MAP3K13: variants seen among roughly 807,000 people sequenced by gnomAD.
MAP3K13 encodes mitogen-activated protein kinase kinase kinase 13.
Under a neutral mutation model 104.0 loss-of-function variants are expected in MAP3K13, and 52 were observed. That is an observed-to-expected ratio of 0.50 (90% CI 0.40 to 0.63). The LOEUF is 0.63. Ranked by LOEUF, MAP3K13 falls within the 20% of genes least tolerant of loss-of-function variation. The pLI, the probability that MAP3K13 is intolerant of heterozygous loss-of-function variation, is 0.00. For synonymous variants in MAP3K13, 394 were observed against 442.2 expected (o/e 0.89, Z 1.37); for missense variants, 914 against 1,218.5 (o/e 0.75, Z 3.72).
chr3:185,434,965 T>C (rs1275367744), intron 2 of MAP3K13, among the ~76,000 whole-genome samples: 1 of 151,992 alleles, frequency 6.6e-6, no homozygotes, highest in East Asian at 1.9e-4. Flanking sequence ...AAAATGACAC[T>C]GAGGTTTTTT....
At chr3:185,337,362 A>T (rs997339916) in intron 2 of MAP3K13, among the ~76,000 whole-genome samples, 1 of 152,248 alleles carries the variant, frequency 6.6e-6, no homozygotes, top group African/African-American at 2.4e-5. Flanking sequence ...ACACTCACAG[A>T]ACACCTGGAA....
At chr3:185,349,251 G>A (rs1345912927) in intron 2 of MAP3K13, among the ~76,000 whole-genome samples, 2 of 152,008 alleles carry the variant, frequency 1.3e-5, no homozygotes. Flanking sequence ...TAATACCCAG[G>A]AGATGGTTTT....
chr3:185,310,881 T>C (rs1294032615), intron 2 of MAP3K13, among the ~76,000 whole-genome samples: 1 of 152,232 alleles, frequency 6.6e-6, no homozygotes, highest in Non-Finnish European at 1.5e-5. Flanking sequence ...CCTTAGTGCT[T>C]CTCTGTTCTT....
chr3:185,417,778 G>A, intron 1 of MAP3K13: 2 of 1,612,136 alleles, frequency 1.2e-6, no homozygotes, highest in Non-Finnish European at 1.7e-6. Flanking sequence ...CCGGCGCATG[G>A]TCTTTGCATA....
At chr3:185,402,709 T>C (rs1331143705) in intron 1 of MAP3K13, among the ~76,000 whole-genome samples, 6 of 152,184 alleles carry the variant, frequency 3.9e-5, no homozygotes, top group South Asian at 2.1e-4. Context: ...TTTGGCTTCA[T>C]TGGACTCTGA....
intron 7 of MAP3K13, 192 bp downstream of exon 7, chr3:185,451,587 A>C: frequency 2.2e-6 from 1 of 444,986 alleles, no homozygotes; most frequent in East Asian, 3.7e-5. Context: ...ATTATTATTA[A>C]CTCATTTGAA....
At chr3:185,452,231 T>C (rs1315364115) in intron 7 of MAP3K13, among the ~76,000 whole-genome samples, 1 of 152,114 alleles carries the variant, frequency 6.6e-6, no homozygotes, top group African/African-American at 2.4e-5. Context: ...TTATTTTTAT[T>C]TTTATTTTTT....
chr3:185,312,134 C>T (rs535857035), intron 2 of MAP3K13, among the ~76,000 whole-genome samples: 1 of 152,340 alleles, frequency 6.6e-6, no homozygotes, highest in African/African-American at 2.4e-5. Flanking sequence ...TGAAGAGGAA[C>T]TCCTTCCTCT....
At chr3:185,389,972 G>A (rs1385725320) in intron 1 of MAP3K13, among the ~76,000 whole-genome samples, 2 of 152,110 alleles carry the variant, frequency 1.3e-5, no homozygotes, top group Non-Finnish European at 2.9e-5. Context: ...CTTAATAGAT[G>A]ATAACTGGAT....
rs147720270 is a variant in MAP3K13, at chr3:185,308,357, A to G, written c.-86+22714A>G. Among the ~76,000 whole-genome samples the G allele has an allele frequency of 5.9e-5, 9 of 152,166 alleles. No individual in the cohort carries two copies. In the East Asian group the frequency reaches 1.7e-3, roughly 29 times the overall value. On this transcript the variant is annotated intron_variant, in intron 2 of 14. Transcript: ENST00000424227. ...TTTCTGGTGTTCCTACAAGCTGCCTAGGTCTCTTTTGTTCTCAGCAGTTCC... is the reference window on the plus strand; with the variant it reads ...TTTCTGGTGTTCCTACAAGCTGCCTGGGTCTCTTTTGTTCTCAGCAGTTCC...
rs1020853910 is a variant in MAP3K13 at position 185,337,074 on chromosome 3, T to A, written c.-86+51431T>A. 7.9e-5 allele frequency among the ~76,000 whole-genome samples: 12 copies of A among 151,940 alleles called. No homozygotes were observed. In the South Asian group the frequency reaches 1.2e-3, roughly 16 times the overall value. On this transcript the variant is annotated intron_variant, in intron 2 of 14. Transcript: ENST00000424227. ...AAGACTAAATCTTTTTTAAAAAAAA[T>A]TTTAAATAAAAATAGAGATGAGTTC...
At chr3:185,442,094 T>C (rs1047080916) in intron 3 of MAP3K13, among the ~76,000 whole-genome samples, 12 of 149,976 alleles carry the variant, frequency 8.0e-5, no homozygotes, top group Non-Finnish European at 1.8e-4. Flanking sequence ...TAATCCCAGC[T>C]ATTTGGGATG....
intron 1 of MAP3K13, among the ~76,000 whole-genome samples, chr3:185,428,079 CAA>C (rs112837150): frequency 2.0e-4 from 19 of 96,946 alleles, no homozygotes; most frequent in Admixed American, 3.2e-4. Flanking sequence ...AACTCCGTCT[CAA>C]AAAAAAAAAA....
chr3:185,299,400 A>T (rs1011855461), intron 2 of MAP3K13, among the ~76,000 whole-genome samples: 2 of 152,234 alleles, frequency 1.3e-5, no homozygotes, highest in Non-Finnish European at 2.9e-5. Flanking sequence ...GCCTGCACTC[A>T]CTTGCAAGCT....
intron 2 of MAP3K13, among the ~76,000 whole-genome samples, chr3:185,307,649 T>G (rs1264507932): frequency 1.4e-5 from 2 of 139,794 alleles, no homozygotes; most frequent in Non-Finnish European, 3.0e-5. Context: ...GTTAAAGCAA[T>G]TCTCCTGCCT....
chr3:185,415,684 A>G (rs1184717738), intron 1 of MAP3K13, among the ~76,000 whole-genome samples: 2 of 149,804 alleles, frequency 1.3e-5, no homozygotes, highest in Admixed American at 6.8e-5. Flanking sequence ...CCCGGGCTCA[A>G]GAGATTCTCC....
In MAP3K13 at chr3:185,355,525, C is replaced by T. The variant is rs1723318115; in HGVS notation, c.-86+69882C>T. 3.3e-5 allele frequency among the ~76,000 whole-genome samples: 5 copies of T among 151,830 alleles called. No homozygotes were observed. In the South Asian group the frequency reaches 8.3e-4, roughly 25 times the overall value. On this transcript the variant is annotated intron_variant, in intron 2 of 14. Coordinates refer to the MAP3K13 transcript ENST00000424227. Reference sequence around the variant, plus strand: ...GGCGTACACCTGAAATCCCCAGCTACTCAGAAGGCTGAGGCAGGAGAATCA... The same window carrying T: ...GGCGTACACCTGAAATCCCCAGCTATTCAGAAGGCTGAGGCAGGAGAATCA...
chr3:185,445,942 A>G (rs1416277078), intron 4 of MAP3K13, among the ~76,000 whole-genome samples: 1 of 152,186 alleles, frequency 6.6e-6, no homozygotes, highest in African/African-American at 2.4e-5. Flanking sequence ...TATGATATCA[A>G]TTCTCCAATT....
chr3:185,300,466 G>A lies in MAP3K13; in HGVS notation c.-86+14823G>A, dbSNP rs537124385. On this transcript the variant is annotated intron_variant, in intron 2 of 14. Transcript: ENST00000424227. ...TGGGATTACAGGCGTGAGCCACCAC[G>A]CCCGGCCCTATTTCCTTATTTTTTT... 7.9e-5 allele frequency among the ~76,000 whole-genome samples: 12 copies of A among 151,092 alleles called. No individual in the cohort carries two copies. The South Asian group carries it at 1.3e-3, about 16-fold the overall frequency.
Sources: allele counts gnomAD v4.1 joint callset (sites outside exome capture counted in the v4.1 genomes callset), GRCh38; gene constraint gnomAD v4.1.1; transcripts MANE v1.5; gene names NCBI Gene and HGNC (gene_info 2026-07-23, HGNC 2026-07-21).